The following NHSL2 variants were observed in gnomAD, a reference collection of about 807,000 sequenced individuals.
The protein encoded by NHSL2 is NHS like 2, also known as NHS-like protein 2.
A neutral mutation model predicts 53.4 loss-of-function variants in NHSL2; 27 were observed. The ratio of observed to expected loss-of-function variants is 0.51; its 90% CI spans 0.37 to 0.70. The LOEUF is 0.70. NHSL2 is among the 30% of genes least tolerant of loss of function. NHSL2 has a pLI of 0.00. For missense variants in NHSL2, 892 were observed against 980.1 expected, an observed-to-expected ratio of 0.91 and a Z score of 1.20; for synonymous variants, 408 against 404.1, an observed-to-expected ratio of 1.01 and a Z score of -0.12.
rs756712957 is a variant in NHSL2 at position 71,944,765 on chromosome X, T to C, written c.280+33398T>C. Among the ~76,000 whole-genome samples the C allele has an allele frequency of 1.1e-4, 12 of 111,915 alleles. No homozygotes were observed. The South Asian group carries it at 4.5e-3, about 42-fold the overall frequency. On this transcript the variant is annotated intron_variant, in intron 1 of 7. Transcript: ENST00000633930. Reference sequence around the variant, plus strand: ...TTGAATTTGCACCCAAAGAAAAAAATCTAGAAGAGGAAATTTCCAAAATCA... The same window carrying C: ...TTGAATTTGCACCCAAAGAAAAAAACCTAGAAGAGGAAATTTCCAAAATCA...
chrX:71,911,279 CACAG>C lies in NHSL2; in HGVS notation c.197_200del (p.Asp66AlafsTer27). 8.8e-7 allele frequency: 1 copy of C among 1,141,308 alleles called. No homozygotes were observed. Among genetic ancestry groups the C allele is most frequent in the Non-Finnish European group, 1.2e-6 (1 of 864,693 alleles). The allele number at this position is 1,141,308 out of a possible 1,213,427, so 94.1% of individuals were successfully genotyped here. On this transcript the variant is annotated frameshift_variant, in exon 1 of 8. Coordinates refer to ENST00000633930, the MANE Select transcript of NHSL2 (RefSeq NM_001013627.3). LOFTEE classifies it high-confidence loss of function. ...GGCACCTGCTGGCCCTGGGGCGCCGCACAGACAGCCTGTACCGGCGCACCGTGCG... is the reference window on the plus strand; with the variant it reads ...GGCACCTGCTGGCCCTGGGGCGCCGCACAGCCTGTACCGGCGCACCGTGCG...
intron 1 of NHSL2, among the ~76,000 whole-genome samples, chrX:72,070,946 G>A (rs1472017801): frequency 8.9e-6 from 1 of 112,008 alleles, no homozygotes; most frequent in African/African-American, 3.2e-5. Context: ...GCCATGCTCC[G>A]GCCCAGAGGG....
intron 1 of NHSL2, among the ~76,000 whole-genome samples, chrX:72,018,725 G>A (rs2042146604): frequency 9.0e-6 from 1 of 111,289 alleles, no homozygotes; most frequent in East Asian, 3.0e-4. Context: ...CTCCTCCCCC[G>A]CCCCGCGGAG....
At position 71,930,857 on chromosome X, in the gene NHSL2, CAT is replaced by C. The variant is rs768301479; in HGVS notation, c.280+19491_280+19492del. Reference sequence around the variant, plus strand: ...CTATTATGAATAATGCTCCTATGAACATGTGTGTTCAAGTTTTTGTGTAAACA... The same window carrying C: ...CTATTATGAATAATGCTCCTATGAACGTGTGTTCAAGTTTTTGTGTAAACA... On this transcript the variant is annotated intron_variant, in intron 1 of 7. Coordinates refer to ENST00000633930, the MANE Select transcript of NHSL2 (RefSeq NM_001013627.3). Among the ~76,000 whole-genome samples, 233 of 112,080 alleles carry C rather than the reference CAT, an allele frequency of 2.1e-3. 4 individuals carry two copies. The highest frequency in any genetic ancestry group is 6.7e-3 in the African/African-American group (207 of 30,833).
intron 1 of NHSL2, among the ~76,000 whole-genome samples, chrX:72,021,125 G>T (rs1002296177): frequency 1.5e-4 from 17 of 112,264 alleles, no homozygotes; most frequent in African/African-American, 5.2e-4. Flanking sequence ...TTCAGTGAAT[G>T]CTTGCCCTGT....
intron 1 of NHSL2, among the ~76,000 whole-genome samples, chrX:72,024,782 T>G (rs928366657): frequency 8.9e-6 from 1 of 112,222 alleles, no homozygotes; most frequent in Non-Finnish European, 1.9e-5. Context: ...ATAATAGTCA[T>G]TAGACCCACT....
chrX:72,047,739 G>T (rs1326066301), intron 1 of NHSL2, among the ~76,000 whole-genome samples: 2 of 111,878 alleles, frequency 1.8e-5, no homozygotes, highest in Non-Finnish European at 3.8e-5. Context: ...CTATGGTACA[G>T]CATTGTGCCA....
intron 1 of NHSL2, among the ~76,000 whole-genome samples, chrX:72,078,898 A>G (rs889973307): frequency 8.9e-6 from 1 of 112,267 alleles, no homozygotes; most frequent in African/African-American, 3.2e-5. Context: ...GCCCTCAAAG[A>G]GTTGAAAGTC....
intron 1 of NHSL2, among the ~76,000 whole-genome samples, chrX:71,935,130 G>A (rs1268825253): frequency 8.9e-6 from 1 of 112,049 alleles, no homozygotes; most frequent in Non-Finnish European, 1.9e-5. Flanking sequence ...ACCTCACACA[G>A]CACCATTCCC....
At chrX:71,938,598 C>T (rs916126106) in intron 1 of NHSL2, among the ~76,000 whole-genome samples, 3 of 112,095 alleles carry the variant, frequency 2.7e-5, no homozygotes, top group South Asian at 3.7e-4. Context: ...TTGTTATTTC[C>T]GTTGCATTCC....
At chrX:72,116,972 C>T (rs1011498371) in intron 1 of NHSL2, among the ~76,000 whole-genome samples, 5 of 111,567 alleles carry the variant, frequency 4.5e-5, no homozygotes, top group Admixed American at 9.5e-5. Context: ...GTTTTTATCT[C>T]CATTTTGCCA....
intron 1 of NHSL2, among the ~76,000 whole-genome samples, chrX:71,995,256 G>T (rs1025954399): frequency 6.2e-5 from 7 of 112,052 alleles, no homozygotes; most frequent in Non-Finnish European, 1.3e-4. Context: ...CTCCTGACAG[G>T]TCTCCCTGCC....
At chrX:72,130,483 C>A (rs1159082995) in intron 1 of NHSL2, 1 of 1,210,888 alleles carries the variant, frequency 8.3e-7, no homozygotes, top group Non-Finnish European at 1.1e-6. Context: ...CCTGTGCCTG[C>A]GTGCCTCTTG....
intron 1 of NHSL2, among the ~76,000 whole-genome samples, chrX:72,115,275 G>A (rs1345947281): frequency 9.1e-6 from 1 of 110,090 alleles, no homozygotes; most frequent in Non-Finnish European, 1.9e-5. Context: ...ATTTTCAGAT[G>A]AGCTGGTCCC....
chrX:72,140,509 C>A lies in NHSL2; in HGVS notation c.2961C>A (p.Leu987=). ...GGGTTCTGCCTGAAAGAATTAGCCTCCAGAGCCAGGAAGAAGCTGAGAAAA... is the reference window on the plus strand; with the variant it reads ...GGGTTCTGCCTGAAAGAATTAGCCTACAGAGCCAGGAAGAAGCTGAGAAAA... ...KVRVLPERIS[L]QSQEEAEKKK... Residue 987 remains leucine, a synonymous_variant, in exon 6 of 8, where the codon CTC becomes CTA. Coordinates refer to ENST00000633930, the MANE Select transcript of NHSL2 (RefSeq NM_001013627.3). 8.3e-7 allele frequency: 1 copy of A among 1,211,115 alleles called. No homozygotes were observed. The highest frequency in any genetic ancestry group is 1.8e-5 in the South Asian group (1 of 56,774).
At chrX:72,003,919 C>T (rs946323137) in intron 1 of NHSL2, among the ~76,000 whole-genome samples, 3 of 111,826 alleles carry the variant, frequency 2.7e-5, no homozygotes, top group Admixed American at 9.5e-5. Context: ...CTAGAGCCAA[C>T]GCTTCTAACC....
At chrX:72,131,179 G>T (rs745324287) in intron 1 of NHSL2, 1 of 1,186,232 alleles carries the variant, frequency 8.4e-7, no homozygotes. Flanking sequence ...GGGCAGCAGA[G>T]GGGGGTCAGC....
rs144773374 is a variant in NHSL2, at chrX:72,008,657, A to G, written c.280+97290A>G. ...GCAAGACCTTCTGAAATCTTGCTGC[A>G]TAACAGAACTTTCAGTCATACATAA... On this transcript the variant is annotated intron_variant, in intron 1 of 7. Coordinates refer to ENST00000633930, the MANE Select transcript of NHSL2 (RefSeq NM_001013627.3). Among the ~76,000 whole-genome samples, 800 of 112,672 alleles carry G rather than the reference A, an allele frequency of 7.1e-3. 8 individuals carry two copies. Among genetic ancestry groups the G allele is most frequent in the African/African-American group, 0.024 (756 of 31,018 alleles).
chrX:71,935,493 C>T (rs1427456656), intron 1 of NHSL2, among the ~76,000 whole-genome samples: 2 of 113,005 alleles, frequency 1.8e-5, no homozygotes, highest in Non-Finnish European at 3.7e-5. Flanking sequence ...GTTGCCTAGG[C>T]AGCTCATTTG....
Sources: allele counts gnomAD v4.1 joint callset (sites outside exome capture counted in the v4.1 genomes callset), GRCh38; gene constraint gnomAD v4.1.1; transcripts MANE v1.5; gene names NCBI Gene and HGNC (gene_info 2026-07-23, HGNC 2026-07-21).